The following KCNMA1 variants were observed in gnomAD, a reference collection of about 807,000 sequenced individuals.
KCNMA1 encodes Calcium-activated potassium channel subunit alpha-1.
Under a neutral mutation model 140.0 loss-of-function variants are expected in KCNMA1, and 29 were observed. The observed-to-expected ratio is 0.21, with a 90% CI of 0.15 to 0.28. The LOEUF (loss-of-function observed/expected upper bound fraction) is 0.28. Among genes scored for constraint, KCNMA1 ranks in the 10% least tolerant of loss-of-function variants. KCNMA1 has a pLI of 1.00. For missense variants in KCNMA1, 880 were observed against 1,602.2 expected, an observed-to-expected ratio of 0.55 and a Z score of 7.70; for synonymous variants, 612 against 611.9, an observed-to-expected ratio of 1.00 and a Z score of 0.00.
intron 5 of KCNMA1, among the ~76,000 whole-genome samples, chr10:77,169,662 G>A (rs2098681587): frequency 6.6e-6 from 1 of 152,070 alleles, no homozygotes; most frequent in Non-Finnish European, 1.5e-5. Context: ...TTACAGGAGT[G>A]AGCCACCACA....
At chr10:77,169,306 G>T (rs1328648714) in intron 5 of KCNMA1, among the ~76,000 whole-genome samples, 3 of 152,180 alleles carry the variant, frequency 2.0e-5, no homozygotes, top group Admixed American at 6.5e-5. Flanking sequence ...TGCAAACAGG[G>T]CTGGAGAAGA....
At chr10:77,050,367 G>A (rs1437384480) in intron 14 of KCNMA1, among the ~76,000 whole-genome samples, 1 of 151,980 alleles carries the variant, frequency 6.6e-6, no homozygotes, top group African/African-American at 2.4e-5. Flanking sequence ...ATAGGAATGG[G>A]GAGCTTGCTT....
At chr10:77,230,167 T>G (rs1002917421) in intron 3 of KCNMA1, among the ~76,000 whole-genome samples, 4 of 152,326 alleles carry the variant, frequency 2.6e-5, no homozygotes, top group African/African-American at 2.4e-5. Context: ...GAAAGCATTA[T>G]GTCAATGAAG....
intron 9 of KCNMA1, among the ~76,000 whole-genome samples, chr10:77,101,764 AG>A (rs534532076): frequency 4.9e-4 from 74 of 152,338 alleles, no homozygotes; most frequent in African/African-American, 1.7e-3. Context: ...ACCCCTCATG[AG>A]AGCAGTCCGC....
intron 6 of KCNMA1, among the ~76,000 whole-genome samples, chr10:77,117,539 C>CAAAAAAAAAAAAAAAAAA (rs56926398): frequency 8.4e-4 from 19 of 22,508 alleles, no homozygotes; most frequent in East Asian, 1.6e-3. Context: ...GAGTCTATCT[C>CAAAAAAAAAAAAAAAAAA]AAAAAAAAAA....
intron 23 of KCNMA1, among the ~76,000 whole-genome samples, chr10:76,918,665 A>G (rs894641838): frequency 1.3e-5 from 2 of 152,170 alleles, no homozygotes; most frequent in African/African-American, 4.8e-5. Context: ...TACAGCCACT[A>G]TGGAAAACAG....
At chr10:76,951,636 T>C (rs1242143487) in intron 21 of KCNMA1, among the ~76,000 whole-genome samples, 8 of 152,146 alleles carry the variant, frequency 5.3e-5, no homozygotes, top group Non-Finnish European at 1.2e-4. Context: ...CCTCAAAGCA[T>C]CCTCATGTAG....
At chr10:77,498,435 C>T (rs549493186) in intron 1 of KCNMA1, 113 of 152,368 alleles carry the variant, frequency 7.4e-4, no homozygotes, top group African/African-American at 2.5e-3. Flanking sequence ...AGTCCAAGCA[C>T]AGTTTGTACC....
At chr10:76,956,950 A>G (rs2068584736) in intron 20 of KCNMA1, among the ~76,000 whole-genome samples, 1 of 151,690 alleles carries the variant, frequency 6.6e-6, no homozygotes, top group Non-Finnish European at 1.5e-5. Flanking sequence ...GTGAAACCCC[A>G]TCTCTATTAA....
At chr10:77,469,254 A>C (rs960214093) in intron 1 of KCNMA1, among the ~76,000 whole-genome samples, 4 of 152,256 alleles carry the variant, frequency 2.6e-5, no homozygotes, top group Non-Finnish European at 5.9e-5. Flanking sequence ...TCCACACGCC[A>C]TCCAAGTCCC....
intron 14 of KCNMA1, among the ~76,000 whole-genome samples, chr10:77,067,897 T>G (rs1215868162): frequency 2.0e-5 from 3 of 152,220 alleles, no homozygotes; most frequent in Non-Finnish European, 2.9e-5. Context: ...GCGCACTGTC[T>G]GGAACATGGT....
At chr10:77,575,025 C>T (rs993747633) in intron 1 of KCNMA1, among the ~76,000 whole-genome samples, 1 of 152,214 alleles carries the variant, frequency 6.6e-6, no homozygotes, top group Non-Finnish European at 1.5e-5. Flanking sequence ...GGAGGCAAAG[C>T]TTGTCCCCTC....
At chr10:76,985,695 A>G (rs2081074696) in intron 19 of KCNMA1, among the ~76,000 whole-genome samples, 1 of 152,256 alleles carries the variant, frequency 6.6e-6, no homozygotes, top group African/African-American at 2.4e-5. Flanking sequence ...AAGCAGAAAC[A>G]GGAATGTGAT....
intron 20 of KCNMA1, among the ~76,000 whole-genome samples, chr10:76,960,623 T>C (rs113029420): frequency 7.2e-6 from 1 of 138,624 alleles, no homozygotes; most frequent in Admixed American, 7.1e-5. Context: ...GTTTTGTTTT[T>C]TTTTTTTTTT....
At chr10:76,906,134 C>A (rs564453339) in intron 25 of KCNMA1, among the ~76,000 whole-genome samples, 1 of 152,180 alleles carries the variant, frequency 6.6e-6, no homozygotes, top group Non-Finnish European at 1.5e-5. Flanking sequence ...AGCCATCTGG[C>A]GCTTGAGTCC....
chr10:77,017,711 G>A (rs992675426), intron 17 of KCNMA1, among the ~76,000 whole-genome samples: 3 of 152,136 alleles, frequency 2.0e-5, no homozygotes, highest in African/African-American at 7.2e-5. Flanking sequence ...TGTGCTCAGC[G>A]TATCAGGCTT....
chr10:77,173,639 C>A (rs1231650964), intron 5 of KCNMA1, among the ~76,000 whole-genome samples: 1 of 152,030 alleles, frequency 6.6e-6, no homozygotes, highest in African/African-American at 2.4e-5. Flanking sequence ...GGACACCTGG[C>A]CCAAAAAGGG....
chr10:77,426,433 T>C (rs1416231118), intron 1 of KCNMA1, among the ~76,000 whole-genome samples: 1 of 152,210 alleles, frequency 6.6e-6, no homozygotes, highest in Non-Finnish European at 1.5e-5. Flanking sequence ...TATGCCCATT[T>C]TACGGATGAG....
rs1206918027 is a variant in KCNMA1, at chr10:76,962,977, T to A, written c.2360+6997A>T. Among the ~76,000 whole-genome samples, 5 of 152,270 alleles carry A rather than the reference T, an allele frequency of 3.3e-5. No individual in the cohort carries two copies. The East Asian group carries it at 9.7e-4, about 29-fold the overall frequency. On this transcript the variant is annotated intron_variant, in intron 20 of 27. Transcript: ENST00000286628. ...TTCATTTACAGGGACTGCGTATGAA[T>A]TAGGACACAGAGCATTTGCTATAAA...
Sources: allele counts gnomAD v4.1 joint callset (sites outside exome capture counted in the v4.1 genomes callset), GRCh38; gene constraint gnomAD v4.1.1; transcripts MANE v1.5; gene names NCBI Gene and HGNC (gene_info 2026-07-23, HGNC 2026-07-21).